The following CDV3 variants were observed in gnomAD, a reference collection of about 807,000 sequenced individuals.
CDV3 encodes the protein protein CDV3 homolog.
Under a neutral mutation model 24.5 loss-of-function variants are expected in CDV3, and 14 were observed. The ratio of observed to expected loss-of-function variants is 0.57; its 90% CI spans 0.38 to 0.89. The LOEUF is 0.89. Among genes scored for constraint, CDV3 ranks in the 40% least tolerant of loss-of-function variants. The pLI, the probability that CDV3 is intolerant of heterozygous loss-of-function variation, is 0.00. For synonymous variants in CDV3, 114 were observed against 114.1 expected, an observed-to-expected ratio of 1.00 and a Z score of 0.00; for missense variants, 304 against 310.2, an observed-to-expected ratio of 0.98 and a Z score of 0.15.
chr3:133,584,944 A>G (rs1186581245), intron 3 of CDV3, among the ~76,000 whole-genome samples: 2 of 152,252 alleles, frequency 1.3e-5, no homozygotes. Flanking sequence ...GTTTAAGAGC[A>G]CTACTTTAAA....
intron 2 of CDV3, among the ~76,000 whole-genome samples, chr3:133,582,889 C>T (rs556732863): frequency 1.3e-5 from 2 of 152,152 alleles, no homozygotes; most frequent in East Asian, 3.8e-4. Context: ...GCTTTAATAT[C>T]CCTGTTGTCA....
At chr3:133,585,500 C>CT (rs749889546) in intron 3 of CDV3, among the ~76,000 whole-genome samples, 95 of 136,758 alleles carry the variant, frequency 6.9e-4, no homozygotes, top group East Asian at 1.1e-3. Context: ...TTTTCTTTTT[C>CT]TTTTTTTTTT....
At position 133,574,829 on chromosome 3, in the gene CDV3, G is replaced by A. The variant is rs539061294; in HGVS notation, c.241-210G>A. The A allele has an allele frequency of 5.0e-5, 38 of 759,920 alleles. No homozygotes were observed. In the East Asian group the frequency reaches 1.1e-3, roughly 22 times the overall value. The allele number at this position is 759,920 out of a possible 1,614,324, so 47.1% of individuals were successfully genotyped here. A position where few individuals can be genotyped will look rare whatever the true frequency, so the allele number is the denominator to read the frequency against. ...GCTTAAAGTAACAGCTCCCATGCAG[G>A]AACCCAGCGGAAGTATAGTGTTAGC... On this transcript the variant is annotated intron_variant, in intron 1 of 4. Coordinates refer to ENST00000264993, the MANE Select transcript of CDV3 (RefSeq NM_017548.5).
chr3:133,585,931 A>G (rs570994996), intron 3 of CDV3, among the ~76,000 whole-genome samples: 1 of 152,240 alleles, frequency 6.6e-6, no homozygotes, highest in Non-Finnish European at 1.5e-5. Flanking sequence ...CTAAAGTCCT[A>G]TTCTGAGAGG....
intron 2 of CDV3, among the ~76,000 whole-genome samples, chr3:133,578,827 G>T (rs886664283): frequency 6.6e-6 from 1 of 152,178 alleles, no homozygotes; most frequent in African/African-American, 2.4e-5. Flanking sequence ...TGGGGAAGGG[G>T]AGTTAGGATG....
chr3:133,573,798 C>G lies in CDV3; in HGVS notation c.-247C>G, dbSNP rs2074697179. On this transcript the variant is annotated 5_prime_UTR_variant, in exon 1 of 5. Coordinates refer to ENST00000264993, the MANE Select transcript of CDV3 (RefSeq NM_017548.5). ...GAATCCTGCTCCGCCGTCGCAGCAG[C>G]AGCGGCAGCCCCGGCAGCCTCGGGC... 6.5e-6 allele frequency: 1 copy of G among 153,950 alleles called. No individual in the cohort carries two copies. The highest frequency in any genetic ancestry group is 2.4e-5 in the African/African-American group (1 of 41,446). The allele number at this position is 153,950 out of a possible 1,614,324, so 9.5% of individuals were successfully genotyped here. A position where few individuals can be genotyped will look rare whatever the true frequency, so the allele number is the denominator to read the frequency against.
intron 2 of CDV3, among the ~76,000 whole-genome samples, chr3:133,576,841 CTTTT>C (rs370619351): frequency 1.7e-3 from 104 of 62,394 alleles, no homozygotes; most frequent in Admixed American, 2.5e-3. Flanking sequence ...GGTAGACTAG[CTTTT>C]TTTTTTTTTT....
rs527949824 is a variant in CDV3, at chr3:133,575,897, A to G, written c.317+782A>G. Among the ~76,000 whole-genome samples, 15 of 152,328 alleles carry G rather than the reference A, an allele frequency of 9.8e-5. No individual in the cohort carries two copies. In the South Asian group the frequency reaches 2.7e-3, roughly 27 times the overall value. On this transcript the variant is annotated intron_variant, in intron 2 of 4. Coordinates refer to ENST00000264993, the MANE Select transcript of CDV3 (RefSeq NM_017548.5). The stretch of plus-strand genomic sequence containing the variant: ...AAAGTAGGAAAAAACAAATGAAGAT[A>G]TGGTTCTGCTGTAAGATGAAAAAAT...
rs771498792 is a variant in CDV3 at position 133,589,512 on chromosome 3, T to C, written c.*1466T>C. On this transcript the variant is annotated 3_prime_UTR_variant, in exon 5 of 5. Transcript: ENST00000264993. ...TTTCCTAGTTTTGTATCTGGTTCAA[T>C]AGAAATATGTGAAAGTGGTAATGTC... The C allele has an allele frequency of 4.6e-5, 7 of 152,660 alleles. No individual in the cohort carries two copies. Among genetic ancestry groups the C allele is most frequent in the African/African-American group, 1.7e-4 (7 of 41,464 alleles). 9.5% of individuals were successfully genotyped at this position (152,660 alleles called of 1,614,324 possible). A position where few individuals can be genotyped will look rare whatever the true frequency, so the allele number is the denominator to read the frequency against.
chr3:133,589,386 T>A lies in CDV3; in HGVS notation c.*1340T>A, dbSNP rs1341829493. The A allele has an allele frequency of 6.6e-6, 1 of 152,640 alleles. No individual in the cohort carries two copies. Among genetic ancestry groups the A allele is most frequent in the Non-Finnish European group, 1.5e-5 (1 of 68,044 alleles). The allele number at this position is 152,640 out of a possible 1,614,324, so 9.5% of individuals were successfully genotyped here. On this transcript the variant is annotated 3_prime_UTR_variant, in exon 5 of 5. Coordinates refer to ENST00000264993, the MANE Select transcript of CDV3 (RefSeq NM_017548.5). ...GTAGCACTTCTGTTTTTAATAATTA[T>A]TGCTTAAAATACCTATTAATAGTTT...
chr3:133,575,764 A>C (rs1193699978), intron 2 of CDV3, among the ~76,000 whole-genome samples: 2 of 152,246 alleles, frequency 1.3e-5, no homozygotes, highest in Non-Finnish European at 2.9e-5. Context: ...GTAATTTTTA[A>C]AAATTGGGTA....
intron 2 of CDV3, among the ~76,000 whole-genome samples, chr3:133,580,395 A>G (rs1178403153): frequency 6.6e-6 from 1 of 152,178 alleles, no homozygotes; most frequent in Non-Finnish European, 1.5e-5. Context: ...AAAAACCCAA[A>G]ATATTTATTT....
chr3:133,579,494 A>G (rs1382943613), intron 2 of CDV3, among the ~76,000 whole-genome samples: 1 of 152,228 alleles, frequency 6.6e-6, no homozygotes, highest in East Asian at 1.9e-4. Flanking sequence ...TAAAATATGT[A>G]AATCATTTCT....
chr3:133,574,682 C>G (rs947571968), intron 1 of CDV3: 2 of 1,043,702 alleles, frequency 1.9e-6, no homozygotes, highest in Middle Eastern at 4.7e-4. Flanking sequence ...TTTGTAGCAG[C>G]TCTTTTGTGA....
At chr3:133,582,498 G>C (rs1410744479) in intron 2 of CDV3, among the ~76,000 whole-genome samples, 1 of 152,216 alleles carries the variant, frequency 6.6e-6, no homozygotes, top group Non-Finnish European at 1.5e-5. Context: ...TTTTTCCTAA[G>C]TATCTTTAAA....
Position 133,587,994 on chromosome 3 carries a change from A to G in CDV3, c.725A>G (p.Asn242Ser). Residue 242 changes from asparagine (N) to serine (S), a missense_variant, in exon 5 of 5, where the codon AAC becomes AGC. Asn to Ser is a conservative substitution (Grantham distance 46). This residue lies in a region of CDV3 where 56 missense variants were observed against 50.9 expected (regional missense o/e 1.10). Transcript: ENST00000264993. ...CAGGCCCTTAAACTTCAGCTAGACA[A>G]CCAATATGCTGTGCTTGAAAATCAG... The part of the protein sequence containing the change: ...KNQALKLQLD[N>S]QYAVLENQKS... 1 of 1,614,098 alleles carries G rather than the reference A, an allele frequency of 6.2e-7. No individual in the cohort carries two copies. Among genetic ancestry groups the G allele is most frequent in the Non-Finnish European group, 8.5e-7 (1 of 1,180,004 alleles).
At chr3:133,577,639 CATG>C (rs2074866241) in intron 2 of CDV3, among the ~76,000 whole-genome samples, 1 of 152,192 alleles carries the variant, frequency 6.6e-6, no homozygotes, top group East Asian at 1.9e-4. Context: ...GGATCACAGG[CATG>C]AGCCTCTGAG....
rs115934799 is a variant in CDV3 at position 133,574,931 on chromosome 3, A to G, written c.241-108A>G. The G allele has an allele frequency of 1.6e-3, 1,254 of 797,946 alleles. 11 individuals are homozygous for G. The African/African-American group carries it at 0.019, about 12-fold the overall frequency. The allele number at this position is 797,946 out of a possible 1,614,324, so 49.4% of individuals were successfully genotyped here. ...AGGGCTTTGACCAGAAGACAAGTAC[A>G]TACTTAGTTTAGGTTCCAGCCACTT... On this transcript the variant is annotated intron_variant, in intron 1 of 4. Transcript: ENST00000264993.
Position 133,574,886 on chromosome 3 carries a change from G to A in CDV3, c.241-153G>A. 8.2e-6 allele frequency: 6 copies of A among 730,474 alleles called. No individual in the cohort carries two copies. In the East Asian group the frequency reaches 1.7e-4, roughly 21 times the overall value. 45.2% of individuals were successfully genotyped at this position (730,474 alleles called of 1,614,324 possible). On this transcript the variant is annotated intron_variant, in intron 1 of 4. Coordinates refer to ENST00000264993, the MANE Select transcript of CDV3 (RefSeq NM_017548.5). ...GCATGTTTGTCCTCCATTTAGCCTA[G>A]TTTGCCCCAGAACGAAGCAAGGGCT...
Sources: allele counts gnomAD v4.1 joint callset (sites outside exome capture counted in the v4.1 genomes callset), GRCh38; gene constraint gnomAD v4.1.1; regional missense constraint gnomAD v4.1.1; transcripts MANE v1.5; gene names NCBI Gene and HGNC (gene_info 2026-07-23, HGNC 2026-07-21).